The following MDH1B variants were observed in gnomAD, a reference collection of about 807,000 sequenced individuals.
The protein encoded by MDH1B is malate dehydrogenase 1B, also known as putative malate dehydrogenase 1B.
A neutral mutation model predicts 61.4 loss-of-function variants in MDH1B; 60 were observed. The observed-to-expected ratio is 0.98, with a 90% CI of 0.79 to 1.21. The LOEUF is 1.21. MDH1B is among the 50% of genes most tolerant of loss of function. The probability of loss-of-function intolerance (pLI) is 0.00; values close to 1 mark genes in which losing one functional copy is unlikely to be tolerated. For missense variants in MDH1B, 587 were observed against 632.1 expected, an observed-to-expected ratio of 0.93 and a Z score of 0.76; for synonymous variants, 236 against 218.7, an observed-to-expected ratio of 1.08 and a Z score of -0.70.
At chr2:206,741,225 A>G in intron 9 of MDH1B, 121 bp from the exon 10 acceptor site, 1 of 1,300,992 alleles carries the variant, frequency 7.7e-7, no homozygotes, top group Non-Finnish European at 1.1e-6. Flanking sequence ...ACAATAAAAG[A>G]CACATTTTAC....
At position 206,738,240 on chromosome 2, in the gene MDH1B, G is replaced by A. The variant is rs1687599965; in HGVS notation, c.*243C>T. Reference sequence around the variant, plus strand: ...TAATGTAATATAAAAAATAGCATTTGACACCAAAATAGTTCTAAGAAAATG... The same window carrying A: ...TAATGTAATATAAAAAATAGCATTTAACACCAAAATAGTTCTAAGAAAATG... On this transcript the variant is annotated 3_prime_UTR_variant, in exon 12 of 12. Transcript: ENST00000374412. The A allele has an allele frequency of 5.7e-6, 2 of 352,926 alleles. No homozygotes were observed. Among genetic ancestry groups the A allele is most frequent in the African/African-American group, 4.2e-5 (2 of 47,244 alleles). The allele number at this position is 352,926 out of a possible 1,614,324, so 21.9% of individuals were successfully genotyped here. A position where few individuals can be genotyped will look rare whatever the true frequency, so the allele number is the denominator to read the frequency against.
At position 206,750,973 on chromosome 2, in the gene MDH1B, A is replaced by C; in HGVS notation, c.1013T>G (p.Leu338Arg). The C allele has an allele frequency of 3.7e-6, 6 of 1,611,790 alleles. No individual in the cohort carries two copies. Among genetic ancestry groups the C allele is most frequent in the Non-Finnish European group, 5.1e-6 (6 of 1,178,746 alleles). ...GTTTAAAACAGGGCGTGAATAATGA[A>C]GAGGTCCCCAAATGGCACTCTCATA... is the stretch of plus-strand genomic sequence containing the variant. Reference protein sequence around the residue: ...YRYESAIWGPLHYSRPVLNLI... With the variant: ...YRYESAIWGPRHYSRPVLNLI... Residue 338 changes from leucine (L) to arginine (R), a missense_variant, in exon 6 of 12, where the codon CTT (leucine) becomes CGT (arginine). Coordinates refer to ENST00000374412, the MANE Select transcript of MDH1B (RefSeq NM_001039845.3).
At chr2:206,757,216 C>T in intron 3 of MDH1B, 21 bp downstream of exon 3, 8 of 1,596,108 alleles carry the variant, frequency 5.0e-6, no homozygotes, top group Non-Finnish European at 6.8e-6. Flanking sequence ...ATTATTAGAA[C>T]AGATAAGTTA....
chr2:206,750,011 C>A (rs1688339160), intron 6 of MDH1B, among the ~76,000 whole-genome samples: 1 of 152,134 alleles, frequency 6.6e-6, no homozygotes, highest in Non-Finnish European at 1.5e-5. Context: ...CAGCTCTATG[C>A]AACACTGGTC....
chr2:206,748,078 T>C (rs1157278823), intron 7 of MDH1B, among the ~76,000 whole-genome samples: 1 of 152,134 alleles, frequency 6.6e-6, no homozygotes, highest in Non-Finnish European at 1.5e-5. Context: ...TCTTTCCTGT[T>C]TTGTAAAAAT....
intron 1 of MDH1B, 42 bp downstream of exon 1, chr2:206,765,208 G>A: frequency 6.3e-7 from 1 of 1,596,332 alleles, no homozygotes; most frequent in Non-Finnish European, 8.5e-7. Flanking sequence ...AGCTGTTGTC[G>A]GCGTTTTGAG....
In MDH1B at chr2:206,749,144, G is replaced by A. The variant is rs778674989; in HGVS notation, c.1092C>T (p.Asn364=). The change falls in exon 7 of 12, where the codon AAC becomes AAT. Residue 364 remains asparagine (N), a synonymous_variant. Coordinates refer to ENST00000374412, the MANE Select transcript of MDH1B (RefSeq NM_001039845.3). The stretch of plus-strand genomic sequence containing the variant: ...CAAATTGTCTTCCTGTGGTGGTCAA[G>A]TTTTTAAGAATTGCCACAAATTCTC... ...VKREFVAILK[N]LTTTGRQFGG... 9 of 1,614,092 alleles carry A rather than the reference G, an allele frequency of 5.6e-6. No homozygotes were observed. In the South Asian group the frequency reaches 6.6e-5, roughly 12 times the overall value.
chr2:206,763,696 T>C (rs1689240272), intron 1 of MDH1B, among the ~76,000 whole-genome samples: 1 of 152,254 alleles, frequency 6.6e-6, no homozygotes. Context: ...TCAGTCCTAA[T>C]AAACTTATTT....
At position 206,745,607 on chromosome 2, in the gene MDH1B, C is replaced by A. The variant is rs754632015; in HGVS notation, c.1408+15G>T. 7 of 1,595,370 alleles carry A rather than the reference C, an allele frequency of 4.4e-6. No homozygotes were observed. Among genetic ancestry groups the A allele is most frequent in the Non-Finnish European group, 6.0e-6 (7 of 1,166,308 alleles). ...TTAATAGCAGTCCAATAAAACATCACGTCTAAGAGCTTACCTGATTGGTAT... is the reference window on the plus strand; with the variant it reads ...TTAATAGCAGTCCAATAAAACATCAAGTCTAAGAGCTTACCTGATTGGTAT... On this transcript the variant is annotated intron_variant, in intron 9 of 11. Transcript: ENST00000374412.
rs528377451 is a variant in MDH1B, at chr2:206,759,112, C to T, written c.136-1741G>A. ...TCAGCCTAGTGCCCGTTAGTTATTT[C>T]TCGTGATCTTCTTCCTCCTCCCACC... On this transcript the variant is annotated intron_variant, in intron 2 of 11. Coordinates refer to ENST00000374412, the MANE Select transcript of MDH1B (RefSeq NM_001039845.3). 1.1e-4 allele frequency among the ~76,000 whole-genome samples: 16 copies of T among 152,068 alleles called. No homozygotes were observed. The South Asian group carries it at 1.9e-3, about 18-fold the overall frequency.
At chr2:206,742,529 C>T (rs183404008) in intron 9 of MDH1B, among the ~76,000 whole-genome samples, 25 of 152,196 alleles carry the variant, frequency 1.6e-4, no homozygotes, top group Admixed American at 7.9e-4. Flanking sequence ...GCAAGAGTGA[C>T]GGCCTCCCCT....
chr2:206,757,958 A>C (rs1271926751), intron 2 of MDH1B, among the ~76,000 whole-genome samples: 1 of 152,246 alleles, frequency 6.6e-6, no homozygotes, highest in East Asian at 1.9e-4. Flanking sequence ...TCAGCAAAGT[A>C]CATGGCAGCA....
intron 1 of MDH1B, among the ~76,000 whole-genome samples, chr2:206,762,882 T>A (rs536608070): frequency 6.6e-6 from 1 of 152,334 alleles, no homozygotes; most frequent in African/African-American, 2.4e-5. Flanking sequence ...TCTCCTATTC[T>A]ATGGTCACTC....
chr2:206,756,608 C>T (rs1688774044), intron 4 of MDH1B: 1 of 314,402 alleles, frequency 3.2e-6, no homozygotes, highest in Non-Finnish European at 5.9e-6. Context: ...GAGAGAGCAA[C>T]AGTCAGAGAG....
Position 206,751,064 on chromosome 2 carries a change from C to T in MDH1B, c.922G>A (p.Val308Met), listed in dbSNP as rs200965288. The change falls in exon 6 of 12, where the codon GTG becomes ATG. Residue 308 changes from valine (V) to methionine (M), a missense_variant. Val to Met is a conservative substitution (Grantham distance 21). Transcript: ENST00000374412. ...CCACTGATATTACCCCAAATGATCA[C>T]GTCTTTAATGTCTGTGAAGAATAGA... ...LKTAPSYIKDVIIWGNISGNN... is the reference protein window; with the variant it reads ...LKTAPSYIKDMIIWGNISGNN... 515 of 1,590,586 alleles carry T rather than the reference C, an allele frequency of 3.2e-4. No individual in the cohort carries two copies. The highest frequency in any genetic ancestry group is 4.1e-4 in the Non-Finnish European group (474 of 1,164,930).
In MDH1B at chr2:206,741,240, T is replaced by C. The variant is rs928239279; in HGVS notation, c.1409-136A>G. On this transcript the variant is annotated intron_variant, in intron 9 of 11. Transcript: ENST00000374412. ...ACAATAAAAGACACATTTTACATTATAGTCCAATGTGTACATTTGTGTACA... is the reference window on the plus strand; with the variant it reads ...ACAATAAAAGACACATTTTACATTACAGTCCAATGTGTACATTTGTGTACA... 5.1e-5 allele frequency: 57 copies of C among 1,122,870 alleles called. 1 individual carries two copies. In the African/African-American group the frequency reaches 8.3e-4, roughly 16 times the overall value. The allele number at this position is 1,122,870 out of a possible 1,614,324, so 69.6% of individuals were successfully genotyped here. A position where few individuals can be genotyped will look rare whatever the true frequency, so the allele number is the denominator to read the frequency against.
intron 4 of MDH1B, among the ~76,000 whole-genome samples, chr2:206,755,796 A>ATAT: frequency 6.6e-6 from 1 of 152,334 alleles, no homozygotes; most frequent in South Asian, 2.1e-4. Context: ...ATCAAAATAA[A>ATAT]AAAACTATTA....
At chr2:206,738,698 A>C (rs930218075) in intron 11 of MDH1B, among the ~76,000 whole-genome samples, 187 bp from the exon 12 acceptor site, 1 of 152,192 alleles carries the variant, frequency 6.6e-6, no homozygotes, top group Non-Finnish European at 1.5e-5. Flanking sequence ...TTCATATAGC[A>C]AAACTAATTG....
intron 1 of MDH1B, among the ~76,000 whole-genome samples, chr2:206,763,849 A>G (rs1236532867): frequency 2.6e-5 from 4 of 151,856 alleles, no homozygotes; most frequent in Non-Finnish European, 4.4e-5. Context: ...TCTTTCAGGT[A>G]TCTGCTTAAA....
Sources: gnomAD v4.1 joint callset for allele counts (sites outside exome capture counted in the v4.1 genomes callset) on GRCh38, gnomAD v4.1.1 for gene constraint, MANE v1.5 for transcripts, NCBI Gene and HGNC (gene_info 2026-07-23, HGNC 2026-07-21) for gene names.